Variants in FAM120A observed in about 807,000 individuals in gnomAD.
The protein encoded by FAM120A is family with sequence similarity 120 member A.
A neutral mutation model predicts 109.7 loss-of-function variants in FAM120A; 15 were observed. That is an observed-to-expected ratio of 0.14 (90% CI 0.09 to 0.21). The LOEUF (loss-of-function observed/expected upper bound fraction) is 0.21. Ranked by LOEUF, FAM120A falls within the 10% of genes least tolerant of loss-of-function variation. FAM120A has a pLI of 1.00. For missense variants in FAM120A, 899 were observed against 1,439.3 expected (o/e 0.62, Z 6.07); for synonymous variants, 493 against 572.8 (o/e 0.86, Z 1.99).
intron 13 of FAM120A, 84 bp downstream of exon 13, chr9:93,556,675 T>C: frequency 7.5e-7 from 1 of 1,334,756 alleles, no homozygotes. Flanking sequence ...ATACCATATT[T>C]ATCATCCTGT....
chr9:93,509,494 C>T (rs1345600227), intron 5 of FAM120A, among the ~76,000 whole-genome samples: 6 of 152,174 alleles, frequency 3.9e-5, no homozygotes, highest in Admixed American at 6.5e-5. Flanking sequence ...TCTCTGCTGT[C>T]GTTGTCAAGA....
intron 3 of FAM120A, among the ~76,000 whole-genome samples, chr9:93,488,291 C>T (rs1859156223): frequency 6.6e-6 from 1 of 152,176 alleles, no homozygotes; most frequent in Admixed American, 6.5e-5. Flanking sequence ...TCTTTAATCT[C>T]ATTGTCATAA....
At chr9:93,463,318 G>T (rs1307037155) in intron 1 of FAM120A, among the ~76,000 whole-genome samples, 2 of 152,074 alleles carry the variant, frequency 1.3e-5, no homozygotes, top group Non-Finnish European at 2.9e-5. Flanking sequence ...CTTATTTTAA[G>T]AAATGTTTTT....
At chr9:93,551,296 T>C (rs1862087300) in intron 12 of FAM120A, among the ~76,000 whole-genome samples, 1 of 152,200 alleles carries the variant, frequency 6.6e-6, no homozygotes, top group African/African-American at 2.4e-5. Flanking sequence ...ACAATATTGA[T>C]TTTTCTCCAA....
intron 5 of FAM120A, among the ~76,000 whole-genome samples, chr9:93,513,477 C>CTT (rs1278236940): frequency 1.3e-5 from 2 of 152,188 alleles, no homozygotes; most frequent in African/African-American, 4.8e-5. Context: ...GCACGTGTGT[C>CTT]TATGTGCGTG....
chr9:93,460,898 AC>A (rs1168700052), intron 1 of FAM120A, among the ~76,000 whole-genome samples: 12 of 152,072 alleles, frequency 7.9e-5, no homozygotes, highest in Admixed American at 2.0e-4. Context: ...CTTTGAGTAA[AC>A]CTTTTATGCT....
At position 93,452,681 on chromosome 9, in the gene FAM120A, T is replaced by A. The variant is rs1857317379; in HGVS notation, c.474+292T>A. On this transcript the variant is annotated intron_variant, in intron 1 of 17. Transcript: ENST00000277165. The surrounding 1 kb of genome is among the most constrained non-coding windows in gnomAD (Gnocchi z 7.0). Reference sequence around the variant, plus strand: ...CCAGAATTCGGAGGCGACAGTGTCATCATCCCCAATATCCTTAGTTTTTCC... The same window carrying A: ...CCAGAATTCGGAGGCGACAGTGTCAACATCCCCAATATCCTTAGTTTTTCC... The A allele has an allele frequency of 9.4e-6, 15 of 1,598,742 alleles. No homozygotes were observed. Among genetic ancestry groups the A allele is most frequent in the Non-Finnish European group, 1.2e-5 (14 of 1,179,906 alleles).
intron 1 of FAM120A, among the ~76,000 whole-genome samples, chr9:93,459,751 G>T (rs986864809): frequency 6.6e-6 from 1 of 152,198 alleles, no homozygotes; most frequent in Non-Finnish European, 1.5e-5. Flanking sequence ...TGTCACAGCT[G>T]GGGGAGGATG....
chr9:93,487,227 T>C (rs1859099702), intron 3 of FAM120A, among the ~76,000 whole-genome samples: 1 of 152,176 alleles, frequency 6.6e-6, no homozygotes, highest in Admixed American at 6.5e-5. Flanking sequence ...AGTGGCGTGA[T>C]CTTAGCTCAC....
rs1861369998 is a variant in FAM120A at position 93,532,577 on chromosome 9, A to G, written c.1909+248A>G. The G allele has an allele frequency of 2.1e-6, 1 of 483,156 alleles. No homozygotes were observed. Among genetic ancestry groups the G allele is most frequent in the African/African-American group, 1.9e-5 (1 of 51,658 alleles). 29.9% of individuals were successfully genotyped at this position (483,156 alleles called of 1,614,324 possible). A position where few individuals can be genotyped will look rare whatever the true frequency, so the allele number is the denominator to read the frequency against. ...CAGTAAAATAATAAAACAGGTTTACACTTTAAAGTGAATGTTGATCTGAAA... is the reference window on the plus strand; with the variant it reads ...CAGTAAAATAATAAAACAGGTTTACGCTTTAAAGTGAATGTTGATCTGAAA... On this transcript the variant is annotated intron_variant, in intron 10 of 17. Transcript: ENST00000277165. This position sits in a 1 kb window ranked among gnomAD's most constrained non-coding sequence, Gnocchi z 4.3.
At chr9:93,490,281 C>G (rs565007674) in intron 3 of FAM120A, among the ~76,000 whole-genome samples, 4 of 152,304 alleles carry the variant, frequency 2.6e-5, no homozygotes, top group African/African-American at 7.2e-5. Flanking sequence ...TTTAAATGAG[C>G]AGCTGAGAGA....
chr9:93,468,168 G>A (rs1008747131), intron 1 of FAM120A, among the ~76,000 whole-genome samples: 3 of 152,192 alleles, frequency 2.0e-5, no homozygotes, highest in Non-Finnish European at 4.4e-5. Flanking sequence ...ACAGGTGTGA[G>A]CCACTGCGCC....
At chr9:93,529,009 G>T (rs917177205) in intron 8 of FAM120A, among the ~76,000 whole-genome samples, 4 of 152,212 alleles carry the variant, frequency 2.6e-5, no homozygotes, top group African/African-American at 9.6e-5. Context: ...TGATGGACAA[G>T]TGAGAGCCAA....
At chr9:93,497,640 G>A in intron 4 of FAM120A, 41 bp downstream of exon 4, 1 of 1,581,154 alleles carries the variant, frequency 6.3e-7, no homozygotes, top group Non-Finnish European at 8.6e-7. Flanking sequence ...CAGATTCATG[G>A]GATATGACGT....
chr9:93,566,055 A>G lies in FAM120A; in HGVS notation c.*1515A>G, dbSNP rs575156864. 2.6e-5 allele frequency: 4 copies of G among 152,770 alleles called. No individual in the cohort carries two copies. The South Asian group carries it at 8.3e-4, about 32-fold the overall frequency. 9.5% of individuals were successfully genotyped at this position (152,770 alleles called of 1,614,324 possible). A position where few individuals can be genotyped will look rare whatever the true frequency, so the allele number is the denominator to read the frequency against. On this transcript the variant is annotated 3_prime_UTR_variant, in exon 18 of 18. Coordinates refer to ENST00000277165, the MANE Select transcript of FAM120A (RefSeq NM_014612.5). ...GATGGATTGTGGTGTGGTGTATCTG[A>G]AGGCTATTGAATGCAACTTACAATG...
intron 8 of FAM120A, among the ~76,000 whole-genome samples, chr9:93,528,567 AG>A (rs1861184525): frequency 6.6e-6 from 1 of 152,200 alleles, no homozygotes; most frequent in Non-Finnish European, 1.5e-5. Context: ...TCTGGGGACC[AG>A]ACTCTTTCCT....
chr9:93,517,039 G>A (rs1272245110), intron 7 of FAM120A, among the ~76,000 whole-genome samples: 4 of 152,176 alleles, frequency 2.6e-5, no homozygotes, highest in African/African-American at 9.7e-5. Flanking sequence ...TGTAGGAAAT[G>A]TAAGAGACAT....
intron 11 of FAM120A, 68 bp downstream of exon 11, chr9:93,543,539 A>C: frequency 1.3e-6 from 2 of 1,550,922 alleles, no homozygotes; most frequent in Non-Finnish European, 1.7e-6. Flanking sequence ...CCATGGTGTC[A>C]GATGAGTTCT....
intron 10 of FAM120A, among the ~76,000 whole-genome samples, chr9:93,538,213 T>TG (rs3841291): frequency 0.28 from 42,382 of 152,016 alleles, 6,977 homozygotes; most frequent in East Asian, 0.42. Flanking sequence ...TTGTGGACTG[T>TG]GGGCTGCTCC....
Sources: allele counts gnomAD v4.1 joint callset (sites outside exome capture counted in the v4.1 genomes callset), GRCh38; gene constraint gnomAD v4.1.1; non-coding constraint Gnocchi (gnomAD v3.1); transcripts MANE v1.5; gene names NCBI Gene and HGNC (gene_info 2026-07-23, HGNC 2026-07-21).